Variants in TTN observed in about 807,000 individuals in gnomAD.
TTN encodes titin.
In TTN, 1,525 loss-of-function variants were observed where a neutral mutation model predicts 3,223.0. The ratio of observed to expected loss-of-function variants is 0.47; its 90% confidence interval spans 0.45 to 0.49. The LOEUF is 0.49. Among genes scored for constraint, TTN ranks in the 20% least tolerant of loss-of-function variants. The probability of loss-of-function intolerance (pLI) is 0.00; values close to 1 mark genes in which losing one functional copy is unlikely to be tolerated. For missense variants in TTN, 40,786 were observed against 43,424.0 expected, an observed-to-expected ratio of 0.94 and a Z score of 5.40; for synonymous variants, 14,094 against 15,161.0, an observed-to-expected ratio of 0.93 and a Z score of 5.17.
chr2:178,589,108 T>A lies in TTN; in HGVS notation c.62617A>T (p.Ile20873Phe). Reference protein sequence around the residue: ...DKPGPVRNLKIVDVSSDRCTV... With the variant: ...DKPGPVRNLKFVDVSSDRCTV... ...CACCTATCACTGGACACATCAACAA[T>A]TTTCAGATTTCTCACAGGACCAGGC... is the stretch of plus-strand genomic sequence containing the variant. The change falls in exon 304 of 363, where the codon ATT (isoleucine) becomes TTT (phenylalanine). Residue 20873 changes from isoleucine to phenylalanine, a missense_variant. Physicochemically the swap from Ile to Phe is conservative, Grantham distance 21. Transcript: ENST00000589042. 1 of 1,611,526 alleles carries A rather than the reference T, an allele frequency of 6.2e-7. No homozygotes were observed. The highest frequency in any genetic ancestry group is 2.2e-5 in the East Asian group (1 of 44,686).
chr2:178,794,813 G>T, intron 7 of TTN, 109 bp downstream of exon 7: 2 of 1,427,858 alleles, frequency 1.4e-6, no homozygotes, highest in Non-Finnish European at 1.9e-6. Context: ...ATATTTTTAT[G>T]TTCATATGCA....
rs1296926879 is a variant in TTN at position 178,598,963 on chromosome 2, A to T, written c.56747T>A (p.Val18916Glu). The T allele has an allele frequency of 9.3e-6, 15 of 1,612,562 alleles. No individual in the cohort carries two copies. The highest frequency in any genetic ancestry group is 2.2e-5 in the South Asian group (2 of 91,000). Residue 18916 changes from valine to glutamate, a missense_variant, in exon 291 of 363, where the codon GTG becomes GAG. Coordinates refer to ENST00000589042, the MANE Select transcript of TTN (RefSeq NM_001267550.2). ...TTTCATTTCCAGCCAGTACCCTGTCACAGGAGAGCCTCCATCATATTCTGG... is the reference window on the plus strand; with the variant it reads ...TTTCATTTCCAGCCAGTACCCTGTCTCAGGAGAGCCTCCATCATATTCTGG... ...EEPEYDGGSPVTGYWLEMKDT... is the reference protein window; with the variant it reads ...EEPEYDGGSPETGYWLEMKDT...
rs886055243 is a variant in TTN, at chr2:178,565,648, G to A, written c.80484C>T (p.Ser26828=). 6.2e-7 allele frequency: 1 copy of A among 1,613,554 alleles called. No individual in the cohort carries two copies. Among genetic ancestry groups the A allele is most frequent in the East Asian group, 2.2e-5 (1 of 44,832 alleles). The change falls in exon 326 of 363, where the codon AGC becomes AGT. Residue 26828 remains serine, a synonymous_variant. Transcript: ENST00000589042. ...TACAGACTTTGGATTCAGCCACAAT[G>A]CTCCATTTTTCAGTTCCTTTGGGCT... ...EMQPKGTEKW[S]IVAESKVCNA...
intron 241 of TTN, 120 bp downstream of exon 241, chr2:178,625,153 T>A (rs1350615548): frequency 2.2e-6 from 3 of 1,360,506 alleles, no homozygotes; most frequent in Non-Finnish European, 3.0e-6. Context: ...AAAATCAGAC[T>A]TTTGATTATT....
rs1259258570 is a variant in TTN, at chr2:178,751,762, T to G, written c.11311+1362A>C. On this transcript the variant is annotated intron_variant, in intron 47 of 362. Transcript: ENST00000589042. ...CAGCTTTTATAATCCGACGAAGACCTGTTGGGATGGGCCGATTGTTATGAA... is the reference window on the plus strand; with the variant it reads ...CAGCTTTTATAATCCGACGAAGACCGGTTGGGATGGGCCGATTGTTATGAA... 5.6e-6 allele frequency: 9 copies of G among 1,613,078 alleles called. No individual in the cohort carries two copies. The African/African-American group carries it at 9.3e-5, about 17-fold the overall frequency.
chr2:178,569,763 G>A lies in TTN; in HGVS notation c.76369C>T (p.Pro25457Ser). ...VSVGEWTMCT[P>S]PTGINKTNIE... is the part of the protein sequence containing the mutation. ...TTTGTTTTATTAATTCCTGTTGGTG[G>A]AGTGCACATTGTCCATTCACCAACA... The change falls in exon 326 of 363, where the codon CCA (proline) becomes TCA (serine). Residue 25457 changes from proline (P) to serine (S), a missense_variant. Coordinates refer to ENST00000589042, the MANE Select transcript of TTN (RefSeq NM_001267550.2). 6.2e-7 allele frequency: 1 copy of A among 1,613,130 alleles called. No individual in the cohort carries two copies. Among genetic ancestry groups the A allele is most frequent in the Non-Finnish European group, 8.5e-7 (1 of 1,179,610 alleles).
intron 47 of TTN, chr2:178,751,501 A>T: frequency 6.2e-7 from 1 of 1,613,386 alleles, no homozygotes; most frequent in Non-Finnish European, 8.5e-7. Flanking sequence ...ACCTCAGGTC[A>T]ACCTTTATCC....
In TTN at chr2:178,731,970, C is replaced by A; in HGVS notation, c.16905G>T (p.Glu5635Asp). Residue 5635 changes from glutamate (E) to aspartate (D), a missense_variant and splice_region_variant, in exon 58 of 363, where the codon GAG (glutamate) becomes GAT (aspartate). Physicochemically the swap from Glu to Asp is conservative, Grantham distance 45 (BLOSUM62 2). Coordinates refer to ENST00000589042, the MANE Select transcript of TTN (RefSeq NM_001267550.2). ...TAAATTCCTTGGTAAAATAAGGTGA[C>A]TCTACAGTAAAAAAGGAATGATTTG... ...DHCSSIVIVK[E>D]SPYFTKEFKP... The A allele has an allele frequency of 6.2e-7, 1 of 1,602,164 alleles. No individual in the cohort carries two copies. Among genetic ancestry groups the A allele is most frequent in the Non-Finnish European group, 8.5e-7 (1 of 1,172,038 alleles).
chr2:178,644,356 TGA>T (rs2061604254), intron 218 of TTN, 190 bp downstream of exon 218: 15 of 478,444 alleles, frequency 3.1e-5, no homozygotes, highest in Non-Finnish European at 4.4e-5. Context: ...TATACATGTA[TGA>T]AATGGATGGG....
chr2:178,722,178 T>G, intron 77 of TTN, 44 bp from the exon 78 acceptor site: 1 of 1,529,404 alleles, frequency 6.5e-7, no homozygotes, highest in East Asian at 2.3e-5. Context: ...TTGTTTGTTT[T>G]TTTGCCATTG....
chr2:178,714,387 A>C lies in TTN; in HGVS notation c.26387T>G (p.Phe8796Cys). ...SYSENIATLQ[F>C]SRVEPANAGK... ...AGCATTGGCTGGTTCCACTCTTGAAAACTGTAAGGTTGCAATGTTTTCTGA... is the reference window on the plus strand; with the variant it reads ...AGCATTGGCTGGTTCCACTCTTGAACACTGTAAGGTTGCAATGTTTTCTGA... Residue 8796 changes from phenylalanine to cysteine, a missense_variant, in exon 91 of 363, where the codon TTT becomes TGT. Phe to Cys is a radical substitution (Grantham distance 205, BLOSUM62 -2). Coordinates refer to ENST00000589042, the MANE Select transcript of TTN (RefSeq NM_001267550.2). 3.1e-6 allele frequency: 5 copies of C among 1,613,758 alleles called. No individual in the cohort carries two copies. Among genetic ancestry groups the C allele is most frequent in the Non-Finnish European group, 4.2e-6 (5 of 1,179,740 alleles).
intron 10 of TTN, among the ~76,000 whole-genome samples, chr2:178,791,183 G>A (rs1574878607): frequency 6.6e-6 from 1 of 152,172 alleles, no homozygotes; most frequent in African/African-American, 2.4e-5. Flanking sequence ...CATTGCAATG[G>A]CAATGGGGAT....
In TTN at chr2:178,567,567, C is replaced by G. The variant is rs763178948; in HGVS notation, c.78565G>C (p.Glu26189Gln). 6.2e-7 allele frequency: 1 copy of G among 1,609,116 alleles called. No homozygotes were observed. The highest frequency in any genetic ancestry group is 1.1e-5 in the South Asian group (1 of 90,372). ...GGATCCATTGAAATTCTTGGGAGTT[C>G]AACCTCATCCTTGGCAGTTATTGGT... ...TGPITAKDEV[E>Q]LPRISMDPKF... The change falls in exon 326 of 363, where the codon GAA becomes CAA. Residue 26189 changes from glutamate (E) to glutamine (Q), a missense_variant. Glu to Gln is a conservative substitution (Grantham distance 29). Coordinates refer to ENST00000589042, the MANE Select transcript of TTN (RefSeq NM_001267550.2).
chr2:178,532,103 T>G lies in TTN; in HGVS notation c.104512A>C (p.Arg34838=). The change falls in exon 358 of 363, where the codon AGA becomes CGA. Residue 34838 remains arginine, a synonymous_variant. Coordinates refer to ENST00000589042, the MANE Select transcript of TTN (RefSeq NM_001267550.2). ...ESSSSASRLL[R]RRRSLSPTYI... ...GTTGGAGACAGGGAGCGCCGTCGTC[T>G]CAGTAGTCTAGACGCAGATGAGGAT... 6.2e-7 allele frequency: 1 copy of G among 1,613,986 alleles called. No individual in the cohort carries two copies. Among genetic ancestry groups the G allele is most frequent in the South Asian group, 1.1e-5 (1 of 91,086 alleles).
Position 178,733,606 on chromosome 2 carries a change from A to C in TTN, c.15775+8T>G. On this transcript the variant is annotated splice_region_variant and intron_variant, in intron 53 of 362. Transcript: ENST00000589042. ...AGCAATTTGAGGTTTAAATGTTCCT[A>C]CACAAACCTTTAACTATTAATTCCC... The C allele has an allele frequency of 6.2e-7, 1 of 1,607,072 alleles. No individual in the cohort carries two copies. Among genetic ancestry groups the C allele is most frequent in the Non-Finnish European group, 8.5e-7 (1 of 1,175,050 alleles).
At position 178,776,489 on chromosome 2, in the gene TTN, A is replaced by G; in HGVS notation, c.5375T>C (p.Leu1792Pro). The G allele has an allele frequency of 6.2e-7, 1 of 1,608,232 alleles. No homozygotes were observed. The highest frequency in any genetic ancestry group is 8.5e-7 in the Non-Finnish European group (1 of 1,179,992). ...KYGTDHTSAT[L>P]IVKDEKSLVE... ...AAGACTTTTCTCATCTTTAACAATA[A>G]GGGTAGCAGATGTGTGATCTGTTCC... The change falls in exon 28 of 363, where the codon CTT becomes CCT. Residue 1792 changes from leucine to proline, a missense_variant. Leu to Pro is a moderately conservative substitution (Grantham distance 98, BLOSUM62 -3). Coordinates refer to ENST00000589042, the MANE Select transcript of TTN (RefSeq NM_001267550.2).
rs2051373830 is a variant in TTN at position 178,595,681 on chromosome 2, C to T, written c.57673G>A (p.Glu19225Lys). Reference protein sequence around the residue: ...PITNYVIEKRESDRRAWTPVT... With the variant: ...PITNYVIEKRKSDRRAWTPVT... ...GGGGTCCATGCTCTGCGGTCAGATTCACGCTTTTCAATGACATAATTGGTG... is the reference window on the plus strand; with the variant it reads ...GGGGTCCATGCTCTGCGGTCAGATTTACGCTTTTCAATGACATAATTGGTG... Residue 19225 changes from glutamate (E) to lysine (K), a missense_variant, in exon 295 of 363, where the codon GAA becomes AAA. Coordinates refer to ENST00000589042, the MANE Select transcript of TTN (RefSeq NM_001267550.2). 1.2e-6 allele frequency: 2 copies of T among 1,608,462 alleles called. No individual in the cohort carries two copies. The highest frequency in any genetic ancestry group is 1.7e-5 in the Admixed American group (1 of 59,404).
chr2:178,715,378 C>T, intron 89 of TTN, 114 bp from the exon 90 acceptor site: 1 of 1,509,658 alleles, frequency 6.6e-7, no homozygotes, highest in Non-Finnish European at 8.8e-7. Flanking sequence ...ACTTTCAATT[C>T]TTTGTTGTGT....
At position 178,635,899 on chromosome 2, in the gene TTN, G is replaced by A. The variant is rs149927079; in HGVS notation, c.41608+64C>T. On this transcript the variant is annotated intron_variant, in intron 226 of 362. Transcript: ENST00000589042. ...TGATATTGTAATACTGGGAAACGAG[G>A]TCCTTTCTTCCATTTTCTTAGTGTA... 5.9e-5 allele frequency: 91 copies of A among 1,532,762 alleles called. No individual in the cohort carries two copies. In the African/African-American group the frequency reaches 1.2e-3, roughly 20 times the overall value. The allele number at this position is 1,532,762 out of a possible 1,614,324, so 94.9% of individuals were successfully genotyped here.
Sources: allele counts gnomAD v4.1 joint callset (sites outside exome capture counted in the v4.1 genomes callset), GRCh38; gene constraint gnomAD v4.1.1; transcripts MANE v1.5; gene names NCBI Gene and HGNC (gene_info 2026-07-23, HGNC 2026-07-21).